Variants in ST6GALNAC5 observed in about 807,000 individuals in gnomAD.
ST6GALNAC5 encodes the protein alpha-N-acetylgalactosaminide alpha-2,6-sialyltransferase 5.
ST6GALNAC5 carries 27 observed loss-of-function variants against 33.6 expected under a neutral mutation model. That is an observed-to-expected ratio of 0.80 (90% confidence interval 0.59 to 1.11). The LOEUF is 1.11. Among genes scored for constraint, ST6GALNAC5 ranks in the 50% least tolerant of loss-of-function variants. The pLI is 0.00. For missense variants in ST6GALNAC5, 428 were observed against 454.0 expected (o/e 0.94, Z 0.52); for synonymous variants, 194 against 171.2 (o/e 1.13, Z -1.04).
chr1:76,892,965 A>G (rs1210147477), intron 2 of ST6GALNAC5, among the ~76,000 whole-genome samples: 1 of 152,182 alleles, frequency 6.6e-6, no homozygotes. Flanking sequence ...TGTTCTCTCC[A>G]GCAAATACCA....
At chr1:76,966,567 T>C (rs774208407) in intron 2 of ST6GALNAC5, among the ~76,000 whole-genome samples, 1 of 152,212 alleles carries the variant, frequency 6.6e-6, no homozygotes, top group Non-Finnish European at 1.5e-5. Flanking sequence ...GACTTCCTCT[T>C]TTCCTAATTG....
At chr1:76,979,576 G>T (rs1649165233) in intron 2 of ST6GALNAC5, among the ~76,000 whole-genome samples, 1 of 152,158 alleles carries the variant, frequency 6.6e-6, no homozygotes, top group Non-Finnish European at 1.5e-5. Flanking sequence ...ATTATATTCA[G>T]AAGAATGAAA....
chr1:76,876,365 G>C (rs908829117), intron 2 of ST6GALNAC5, among the ~76,000 whole-genome samples: 2 of 152,188 alleles, frequency 1.3e-5, no homozygotes, highest in African/African-American at 4.8e-5. Context: ...TGGCCATTTT[G>C]TTCATGGGCC....
At chr1:76,876,995 C>T (rs1286607765) in intron 2 of ST6GALNAC5, among the ~76,000 whole-genome samples, 2 of 152,174 alleles carry the variant, frequency 1.3e-5, no homozygotes, top group Non-Finnish European at 2.9e-5. Flanking sequence ...AGCCCGATCA[C>T]GTATACACCA....
intron 2 of ST6GALNAC5, among the ~76,000 whole-genome samples, chr1:76,938,903 G>A (rs573712106): frequency 9.2e-5 from 14 of 152,170 alleles, no homozygotes; most frequent in African/African-American, 2.9e-4. Context: ...AATTATTTAC[G>A]TTTAATTATC....
chr1:76,970,256 C>T lies in ST6GALNAC5; in HGVS notation c.262-73948C>T, dbSNP rs897114559. Reference sequence around the variant, plus strand: ...AGAAGGTCGGTAATAACAAACTTCTCTGAGCTAAAGGAGGATGTTCGAATC... The same window carrying T: ...AGAAGGTCGGTAATAACAAACTTCTTTGAGCTAAAGGAGGATGTTCGAATC... On this transcript the variant is annotated intron_variant, in intron 2 of 4. Transcript: ENST00000477717. Among the ~76,000 whole-genome samples the T allele has an allele frequency of 3.3e-5, 5 of 151,936 alleles. No homozygotes were observed. In the East Asian group the frequency reaches 7.8e-4, roughly 24 times the overall value.
intron 2 of ST6GALNAC5, among the ~76,000 whole-genome samples, chr1:77,031,091 A>G (rs759241320): frequency 6.6e-6 from 1 of 152,230 alleles, no homozygotes; most frequent in Non-Finnish European, 1.5e-5. Flanking sequence ...GCCCCAGAGG[A>G]TGCATCATGT....
In ST6GALNAC5 at chr1:76,949,433, G is replaced by T. The variant is rs540940772; in HGVS notation, c.261+80691G>T. On this transcript the variant is annotated intron_variant, in intron 2 of 4. Coordinates refer to ENST00000477717, the MANE Select transcript of ST6GALNAC5 (RefSeq NM_030965.3). ...ATGGATAGAGCTGGCGTGAGGAGTG[G>T]AAGCTGTAAACCAGGACACCAGAAG... Among the ~76,000 whole-genome samples, 8 of 152,260 alleles carry T rather than the reference G, an allele frequency of 5.3e-5. No individual in the cohort carries two copies. The East Asian group carries it at 1.4e-3, about 26-fold the overall frequency.
At chr1:76,924,783 T>G (rs917642298) in intron 2 of ST6GALNAC5, among the ~76,000 whole-genome samples, 6 of 152,102 alleles carry the variant, frequency 3.9e-5, no homozygotes, top group African/African-American at 1.4e-4. Flanking sequence ...AAATGTGTAG[T>G]CCTTTGCGTC....
intron 3 of ST6GALNAC5, among the ~76,000 whole-genome samples, chr1:77,047,148 A>G (rs1318757270): frequency 3.3e-5 from 5 of 152,196 alleles, no homozygotes; most frequent in Non-Finnish European, 7.3e-5. Flanking sequence ...CAGGGGAATC[A>G]CACTTATGAA....
intron 2 of ST6GALNAC5, among the ~76,000 whole-genome samples, chr1:77,030,661 A>G (rs958233817): frequency 1.3e-5 from 2 of 152,252 alleles, no homozygotes; most frequent in Admixed American, 1.3e-4. Flanking sequence ...GAGGTTATAG[A>G]TCTACTAATG....
At chr1:76,991,552 T>C (rs1649730046) in intron 2 of ST6GALNAC5, among the ~76,000 whole-genome samples, 1 of 152,218 alleles carries the variant, frequency 6.6e-6, no homozygotes, top group African/African-American at 2.4e-5. Context: ...TTTCCACCCT[T>C]ATTTTAATCC....
In ST6GALNAC5 at chr1:77,067,522, T is replaced by C. The variant is rs1652824090; in HGVS notation, c.*4316T>C. Among the ~76,000 whole-genome samples the C allele has an allele frequency of 6.6e-6, 1 of 152,236 alleles. No homozygotes were observed. On this transcript the variant is annotated 3_prime_UTR_variant, in exon 5 of 5. Transcript: ENST00000477717. ...GCACACAATAGGTGCTCAATAAATG[T>C]CTGTTGTTGATCATGACCTCTTAAT...
In ST6GALNAC5 at chr1:77,011,931, T is replaced by C. The variant is rs143716550; in HGVS notation, c.262-32273T>C. On this transcript the variant is annotated intron_variant, in intron 2 of 4. Transcript: ENST00000477717. ...ATCGCAATTAATCTTCACAATGACT[T>C]TTTGAAGGAGGTGGTATTAGTAACA... Among the ~76,000 whole-genome samples the C allele has an allele frequency of 4.5e-3, 689 of 152,268 alleles. 6 individuals are homozygous for C. The highest frequency in any genetic ancestry group is 0.016 in the African/African-American group (651 of 41,544).
intron 2 of ST6GALNAC5, among the ~76,000 whole-genome samples, chr1:76,986,053 C>T (rs1649481147): frequency 6.6e-6 from 1 of 152,024 alleles, no homozygotes; most frequent in Non-Finnish European, 1.5e-5. Context: ...CCATAAAAAC[C>T]CTAGAAGAAA....
intron 3 of ST6GALNAC5, among the ~76,000 whole-genome samples, chr1:77,047,931 T>G (rs143190072): frequency 1.3e-5 from 2 of 152,330 alleles, no homozygotes; most frequent in East Asian, 3.9e-4. Context: ...TGATTAAGTG[T>G]AAAAACAGTA....
At chr1:76,890,177 A>C (rs963383591) in intron 2 of ST6GALNAC5, among the ~76,000 whole-genome samples, 2 of 152,210 alleles carry the variant, frequency 1.3e-5, no homozygotes, top group African/African-American at 4.8e-5. Flanking sequence ...GCTTTACTAA[A>C]ATAAGCCTAG....
chr1:76,919,833 G>T (rs902906024), intron 2 of ST6GALNAC5, among the ~76,000 whole-genome samples: 1 of 152,080 alleles, frequency 6.6e-6, no homozygotes, highest in Non-Finnish European at 1.5e-5. Context: ...AGGAGTTGAC[G>T]CTAAAGTGAT....
intron 2 of ST6GALNAC5, among the ~76,000 whole-genome samples, chr1:76,879,647 G>T (rs928768803): frequency 6.6e-6 from 1 of 152,158 alleles, no homozygotes; most frequent in African/African-American, 2.4e-5. Context: ...GAGTGCCTCA[G>T]GGAGGCCATC....
Sources: gnomAD v4.1 joint callset for allele counts (sites outside exome capture counted in the v4.1 genomes callset) on GRCh38, gnomAD v4.1.1 for gene constraint, MANE v1.5 for transcripts, NCBI Gene and HGNC (gene_info 2026-07-23, HGNC 2026-07-21) for gene names.